Variants in PIAS1 observed in about 807,000 individuals in gnomAD.
PIAS1 encodes E3 SUMO-protein ligase PIAS1.
In PIAS1, 6 loss-of-function variants were observed where a neutral mutation model predicts 71.3. The ratio of observed to expected loss-of-function variants is 0.08; its 90% CI spans 0.05 to 0.17. The LOEUF is 0.17. Ranked by LOEUF, PIAS1 falls within the 10% of genes least tolerant of loss-of-function variation. The pLI is 1.00. For synonymous variants in PIAS1, 303 were observed against 292.9 expected (o/e 1.03, Z -0.35); for missense variants, 555 against 793.6 (o/e 0.70, Z 3.61).
intron 2 of PIAS1, among the ~76,000 whole-genome samples, chr15:68,122,307 A>G (rs1418257829): frequency 6.6e-6 from 1 of 152,196 alleles, no homozygotes; most frequent in Non-Finnish European, 1.5e-5. Flanking sequence ...AAACCCTTAT[A>G]TCTGACAGTC....
chr15:68,186,581 T>A lies in PIAS1; in HGVS notation c.1663-961T>A, dbSNP rs1320678427. ...TGTACAGTGTTTATAAAGTCTACAG[T>A]AGTGTACAATAATGTCCTAAGCCTC... On this transcript the variant is annotated intron_variant, in intron 13 of 13. Transcript: ENST00000249636. This position sits in a 1 kb window ranked among gnomAD's most constrained non-coding sequence, Gnocchi z 4.4. Among the ~76,000 whole-genome samples, 1 of 152,250 alleles carries A rather than the reference T, an allele frequency of 6.6e-6. No individual in the cohort carries two copies. The highest frequency in any genetic ancestry group is 6.5e-5 in the Admixed American group (1 of 15,294).
intron 7 of PIAS1, 51 bp downstream of exon 7, chr15:68,153,746 G>A (rs1205017239): frequency 5.2e-6 from 5 of 957,538 alleles, no homozygotes; most frequent in Non-Finnish European, 8.4e-6. Flanking sequence ...TTAAAGGTTA[G>A]AGTAGTATTT....
In PIAS1 at chr15:68,109,341, C is replaced by G. The variant is rs1408987236; in HGVS notation, c.469+22591C>G. 2.0e-5 allele frequency among the ~76,000 whole-genome samples: 3 copies of G among 152,306 alleles called. No individual in the cohort carries two copies. The East Asian group carries it at 5.8e-4, about 29-fold the overall frequency. Reference sequence around the variant, plus strand: ...CATTGTCAGCATCTGACATACTTTACTATGTGTATTATTTATTTTCTTTCT... The same window carrying G: ...CATTGTCAGCATCTGACATACTTTAGTATGTGTATTATTTATTTTCTTTCT... On this transcript the variant is annotated intron_variant, in intron 2 of 13. Transcript: ENST00000249636.
chr15:68,101,581 G>T (rs1236455618), intron 2 of PIAS1, among the ~76,000 whole-genome samples: 1 of 152,110 alleles, frequency 6.6e-6, no homozygotes, highest in African/African-American at 2.4e-5. Flanking sequence ...CAGCCCTCCT[G>T]CCTCAGCCTC....
intron 1 of PIAS1, among the ~76,000 whole-genome samples, chr15:68,058,649 T>C (rs1272893530): frequency 1.3e-5 from 2 of 152,210 alleles, no homozygotes; most frequent in Non-Finnish European, 2.9e-5. Context: ...TTTTGCAAGC[T>C]TCCTTGCAAA....
At position 68,186,120 on chromosome 15, in the gene PIAS1, C is replaced by A. The variant is rs2093086136; in HGVS notation, c.1663-1422C>A. Reference sequence around the variant, plus strand: ...ATGGACATATTTCTGAAAAGAGTGACACCTCCTTAAGAAGAGCCTCAGGCA... The same window carrying A: ...ATGGACATATTTCTGAAAAGAGTGAAACCTCCTTAAGAAGAGCCTCAGGCA... On this transcript the variant is annotated intron_variant, in intron 13 of 13. Coordinates refer to ENST00000249636, the MANE Select transcript of PIAS1 (RefSeq NM_016166.3). This position sits in a 1 kb window ranked among gnomAD's most constrained non-coding sequence, Gnocchi z 4.4. 6.6e-6 allele frequency among the ~76,000 whole-genome samples: 1 copy of A among 152,144 alleles called. No individual in the cohort carries two copies. Among genetic ancestry groups the A allele is most frequent in the Non-Finnish European group, 1.5e-5 (1 of 68,038 alleles).
chr15:68,117,445 C>T (rs1006816021), intron 2 of PIAS1, among the ~76,000 whole-genome samples: 14 of 152,282 alleles, frequency 9.2e-5, no homozygotes, highest in Middle Eastern at 3.4e-3. Flanking sequence ...TGCTACCATG[C>T]GTTAGAACAC....
chr15:68,104,459 CTG>C (rs1219156271), intron 2 of PIAS1, among the ~76,000 whole-genome samples: 1 of 152,144 alleles, frequency 6.6e-6, no homozygotes, highest in Non-Finnish European at 1.5e-5. Flanking sequence ...AGAGTAATTA[CTG>C]TGTCTTGCCT....
At chr15:68,090,426 A>G (rs2092323524) in intron 2 of PIAS1, among the ~76,000 whole-genome samples, 1 of 152,044 alleles carries the variant, frequency 6.6e-6, no homozygotes, top group African/African-American at 2.4e-5. Flanking sequence ...AGGCTGTCCT[A>G]ACATTTAATT....
chr15:68,131,219 G>A (rs1179248217), intron 2 of PIAS1, among the ~76,000 whole-genome samples: 3 of 152,068 alleles, frequency 2.0e-5, no homozygotes, highest in African/African-American at 7.2e-5. Context: ...TAACATTATA[G>A]GGAATCTTTA....
chr15:68,054,486 G>T lies in PIAS1; in HGVS notation c.24+136G>T. On this transcript the variant is annotated intron_variant, in intron 1 of 13. Coordinates refer to ENST00000249636, the MANE Select transcript of PIAS1 (RefSeq NM_016166.3). This position sits in a 1 kb window ranked among gnomAD's most constrained non-coding sequence, Gnocchi z 4.6. ...GGCCTGGAGTTGTAGGGAGAGAGGCGCGCCCGGTCTCAGCAGAGGGGGCCC... is the reference window on the plus strand; with the variant it reads ...GGCCTGGAGTTGTAGGGAGAGAGGCTCGCCCGGTCTCAGCAGAGGGGGCCC... The T allele has an allele frequency of 2.2e-6, 2 of 917,668 alleles. No individual in the cohort carries two copies. Among genetic ancestry groups the T allele is most frequent in the Non-Finnish European group, 3.3e-6 (2 of 611,704 alleles). The allele number at this position is 917,668 out of a possible 1,614,324, so 56.8% of individuals were successfully genotyped here.
chr15:68,146,550 T>C lies in PIAS1; in HGVS notation c.694-16T>C, dbSNP rs774486030. On this transcript the variant is annotated splice_polypyrimidine_tract_variant and intron_variant, in intron 5 of 13. Coordinates refer to ENST00000249636, the MANE Select transcript of PIAS1 (RefSeq NM_016166.3). ...GTGGAAATAATAAGTATAAATAAAT[T>C]ACATTTCATTTTTAGGGTTACCTTC... The C allele has an allele frequency of 1.5e-5, 24 of 1,602,858 alleles. No individual in the cohort carries two copies. The highest frequency in any genetic ancestry group is 1.7e-4 in the Middle Eastern group (1 of 6,056).
At chr15:68,150,667 G>A (rs2092837966) in intron 6 of PIAS1, among the ~76,000 whole-genome samples, 1 of 152,108 alleles carries the variant, frequency 6.6e-6, no homozygotes, top group Non-Finnish European at 1.5e-5. Flanking sequence ...ACTCCTTTTA[G>A]CATTTATTAA....
rs772354591 is a variant in PIAS1 at position 68,086,348 on chromosome 15, T to C, written c.67T>C (p.Leu23=). 2.0e-5 allele frequency: 33 copies of C among 1,612,290 alleles called. No individual in the cohort carries two copies. Among genetic ancestry groups the C allele is most frequent in the African/African-American group, 1.3e-5 (1 of 74,910 alleles). ...TAGAGTTTCTGAACTCCAAGTACTG[T>C]TGGGCTACGCCGGGAGAAACAAGCA... is the stretch of plus-strand genomic sequence containing the variant. ...SLRVSELQVL[L]GYAGRNKHGR... The change falls in exon 2 of 14, where the codon TTG becomes CTG. Residue 23 remains leucine (L), a synonymous_variant. Transcript: ENST00000249636. The surrounding 1 kb of genome is among the most constrained non-coding windows in gnomAD (Gnocchi z 7.2).
At position 68,129,507 on chromosome 15, in the gene PIAS1, TA is replaced by T. The variant is rs375208339; in HGVS notation, c.470-12432del. On this transcript the variant is annotated intron_variant, in intron 2 of 13. Coordinates refer to ENST00000249636, the MANE Select transcript of PIAS1 (RefSeq NM_016166.3). Reference sequence around the variant, plus strand: ...AAAACAAAGATTTTTAAAATGACATTAAAAAAATAAATTATGAAAATAAGGC... The same window carrying T: ...AAAACAAAGATTTTTAAAATGACATTAAAAAATAAATTATGAAAATAAGGC... Among the ~76,000 whole-genome samples the T allele has an allele frequency of 6.5e-4, 99 of 151,672 alleles. No individual in the cohort carries two copies. The East Asian group carries it at 0.017, about 26-fold the overall frequency.
intron 1 of PIAS1, among the ~76,000 whole-genome samples, chr15:68,062,168 G>A (rs1356947335): frequency 6.6e-6 from 1 of 152,040 alleles, no homozygotes; most frequent in Non-Finnish European, 1.5e-5. Context: ...ATTTATCAAG[G>A]GCTGTTTTAG....
chr15:68,114,056 A>G (rs1346910990), intron 2 of PIAS1, among the ~76,000 whole-genome samples: 4 of 111,820 alleles, frequency 3.6e-5, no homozygotes, highest in Non-Finnish European at 8.7e-5. Flanking sequence ...ACACACACAC[A>G]CACACTTATA....
In PIAS1 at chr15:68,151,040, TAAAC is replaced by T. The variant is rs200402715; in HGVS notation, c.829-2546_829-2543del. Reference sequence around the variant, plus strand: ...ATTTTTAAGACTTTTGAAAAAGCAATAAACAAAACTATCAGTATAATATAATATA... The same window carrying T: ...ATTTTTAAGACTTTTGAAAAAGCAATAAAACTATCAGTATAATATAATATA... On this transcript the variant is annotated intron_variant, in intron 6 of 13. Transcript: ENST00000249636. Among the ~76,000 whole-genome samples the T allele has an allele frequency of 7.6e-3, 1,159 of 151,720 alleles. 9 individuals carry two copies. Among genetic ancestry groups the T allele is most frequent in the Middle Eastern group, 0.031 (9 of 292 alleles).
rs1355064011 is a variant in PIAS1 at position 68,193,515 on chromosome 15, G to A, written c.*5680G>A. 6.5e-6 allele frequency: 1 copy of A among 153,636 alleles called. No homozygotes were observed. Among genetic ancestry groups the A allele is most frequent in the East Asian group, 1.9e-4 (1 of 5,232 alleles). 9.5% of individuals were successfully genotyped at this position (153,636 alleles called of 1,614,324 possible). ...GCTTTCTGTTCATTGCTGCTTCTCA[G>A]CTAGCACTGGCTTCATCTTGGAAAA... On this transcript the variant is annotated 3_prime_UTR_variant, in exon 14 of 14. Coordinates refer to ENST00000249636, the MANE Select transcript of PIAS1 (RefSeq NM_016166.3).
Sources: allele counts gnomAD v4.1 joint callset (sites outside exome capture counted in the v4.1 genomes callset), GRCh38; gene constraint gnomAD v4.1.1; non-coding constraint Gnocchi (gnomAD v3.1); transcripts MANE v1.5; gene names NCBI Gene and HGNC (gene_info 2026-07-23, HGNC 2026-07-21).